The following ATP8A1 variants were observed in gnomAD, a reference collection of about 807,000 sequenced individuals.
The protein encoded by ATP8A1 is ATPase phospholipid transporting 8A1, also known as phospholipid-transporting ATPase IA.
In ATP8A1, 90 loss-of-function variants were observed where a neutral mutation model predicts 177.7. The observed-to-expected ratio is 0.51, with a 90% CI of 0.43 to 0.60. ATP8A1 has a LOEUF of 0.60. ATP8A1 is among the 20% of genes least tolerant of loss of function. The pLI is 0.00. For synonymous variants in ATP8A1, 493 were observed against 485.9 expected, an observed-to-expected ratio of 1.01 and a Z score of -0.19; for missense variants, 1,072 against 1,392.8, an observed-to-expected ratio of 0.77 and a Z score of 3.67.
intron 1 of ATP8A1, among the ~76,000 whole-genome samples, chr4:42,634,012 G>C (rs933950128): frequency 6.6e-6 from 1 of 152,174 alleles, no homozygotes; most frequent in African/African-American, 2.4e-5. Flanking sequence ...AAGAAGCAGG[G>C]CCAGATTGGG....
chr4:42,487,381 GCCAATTT>G (rs1241925851), intron 24 of ATP8A1, among the ~76,000 whole-genome samples: 1 of 152,070 alleles, frequency 6.6e-6, no homozygotes, highest in African/African-American at 2.4e-5. Context: ...ACCTAATGGA[GCCAATTT>G]CCTATTTCAC....
chr4:42,635,015 G>A (rs893135043), intron 1 of ATP8A1, among the ~76,000 whole-genome samples: 1 of 152,054 alleles, frequency 6.6e-6, no homozygotes, highest in Non-Finnish European at 1.5e-5. Flanking sequence ...TACTTGATAC[G>A]GGAAAACTAA....
At chr4:42,643,466 G>A (rs1577769707) in intron 1 of ATP8A1, among the ~76,000 whole-genome samples, 1 of 152,062 alleles carries the variant, frequency 6.6e-6, no homozygotes, top group Non-Finnish European at 1.5e-5. Flanking sequence ...TGGGCTCAGG[G>A]CCCAAAACTT....
rs1714152424 is a variant in ATP8A1, at chr4:42,422,901, T to C, written c.3213-2A>G. ...GTTTTAAAAGCAGTCCTCTTGATAC[T>C]GCAAAAAGAAAAAAAAAGGGATTTG... is the stretch of plus-strand genomic sequence containing the variant. On this transcript the variant is annotated splice_acceptor_variant, in intron 34 of 36. Transcript: ENST00000381668. LOFTEE classifies it high-confidence loss of function. 6.3e-7 allele frequency: 1 copy of C among 1,597,638 alleles called. No individual in the cohort carries two copies. The highest frequency in any genetic ancestry group is 8.5e-7 in the Non-Finnish European group (1 of 1,175,008).
At chr4:42,450,033 G>T (rs1398131802) in intron 30 of ATP8A1, among the ~76,000 whole-genome samples, 1 of 152,126 alleles carries the variant, frequency 6.6e-6, no homozygotes, top group Non-Finnish European at 1.5e-5. Flanking sequence ...TTTACTTGGA[G>T]AGCTTGTCTG....
chr4:42,465,719 C>A (rs1361673102), intron 25 of ATP8A1, among the ~76,000 whole-genome samples: 1 of 152,178 alleles, frequency 6.6e-6, no homozygotes, highest in Non-Finnish European at 1.5e-5. Context: ...CACAGACTTT[C>A]TAAAGCCATT....
At chr4:42,492,234 G>C (rs990839091) in intron 24 of ATP8A1, among the ~76,000 whole-genome samples, 2 of 152,116 alleles carry the variant, frequency 1.3e-5, no homozygotes, top group Non-Finnish European at 2.9e-5. Context: ...TTAGGAATCT[G>C]TTAAATGTGT....
Position 42,600,785 on chromosome 4 carries a change from A to G in ATP8A1, c.410-267T>C, listed in dbSNP as rs375797572. 1.1e-4 allele frequency among the ~76,000 whole-genome samples: 17 copies of G among 152,262 alleles called. No homozygotes were observed. The South Asian group carries it at 1.9e-3, about 17-fold the overall frequency. On this transcript the variant is annotated intron_variant, in intron 5 of 36. Transcript: ENST00000381668. ...GCTTTCTTTAGCACATAGAGGAACT[A>G]TGGGGCTCAGCTGGAGGAGAAAGCC...
intron 6 of ATP8A1, among the ~76,000 whole-genome samples, chr4:42,591,560 G>A (rs1270172442): frequency 2.6e-5 from 4 of 152,100 alleles, no homozygotes; most frequent in Admixed American, 2.0e-4. Context: ...AGAATGCATT[G>A]TTTTGGAAGG....
At chr4:42,435,438 A>C (rs77136141) in intron 33 of ATP8A1, among the ~76,000 whole-genome samples, 35,401 of 96,706 alleles carry the variant, frequency 0.37, 3,635 homozygotes, top group East Asian at 0.55. Flanking sequence ...AAAAAAAAAA[A>C]AAAAAAAAAA....
chr4:42,430,404 C>T (rs143814120), intron 33 of ATP8A1, among the ~76,000 whole-genome samples: 80 of 152,140 alleles, frequency 5.3e-4, no homozygotes, highest in African/African-American at 1.7e-3. Flanking sequence ...GGAGAAAAAT[C>T]GAGAGTCTTT....
At chr4:42,549,104 G>T in intron 18 of ATP8A1, 42 bp from the exon 19 acceptor site, 2 of 1,483,442 alleles carry the variant, frequency 1.3e-6, no homozygotes, top group Non-Finnish European at 1.9e-6. Flanking sequence ...AGTTGGAAAA[G>T]TCTTAAGCTT....
intron 2 of ATP8A1, 40 bp from the exon 3 acceptor site, chr4:42,625,753 T>A: frequency 2.4e-6 from 3 of 1,237,318 alleles, no homozygotes; most frequent in Non-Finnish European, 3.5e-6. Flanking sequence ...AACTTCTCCA[T>A]AATTAGCACC....
intron 33 of ATP8A1, among the ~76,000 whole-genome samples, chr4:42,438,412 G>A (rs1444467225): frequency 1.3e-5 from 2 of 152,072 alleles, no homozygotes; most frequent in African/African-American, 2.4e-5. Context: ...GGATGACTGG[G>A]TTTTCTATTT....
At chr4:42,601,033 CTTTTTTTTT>C (rs36117571) in intron 5 of ATP8A1, among the ~76,000 whole-genome samples, 3 of 102,430 alleles carry the variant, frequency 2.9e-5, no homozygotes, top group Non-Finnish European at 1.9e-5. Context: ...CCCAAATTTT[CTTTTTTTTT>C]TTTTTTTTTT....
intron 9 of ATP8A1, among the ~76,000 whole-genome samples, chr4:42,582,484 A>G (rs1035118191): frequency 1.3e-5 from 2 of 150,112 alleles, no homozygotes; most frequent in Non-Finnish European, 3.0e-5. Context: ...CACACACACC[A>G]CACACACCCA....
rs199599944 is a variant in ATP8A1, at chr4:42,443,579, C to A, written c.3109G>T (p.Asp1037Tyr). Residue 1037 changes from aspartate (D) to tyrosine (Y), a missense_variant, in exon 33 of 37, where the codon GAT (aspartate) becomes TAT (tyrosine). Coordinates refer to ENST00000381668, the MANE Select transcript of ATP8A1 (RefSeq NM_006095.2). ...GCGCACATTACCTCTCCTGACATATCAGGGGCCATCGGAATGGCAGGCCAC... is the reference window on the plus strand; with the variant it reads ...GCGCACATTACCTCTCCTGACATATAAGGGGCCATCGGAATGGCAGGCCAC... ...SLWPAIPMAP[D>Y]MSGEAAMLFS... 7.3e-7 allele frequency: 1 copy of A among 1,369,600 alleles called. No homozygotes were observed. Among genetic ancestry groups the A allele is most frequent in the East Asian group, 2.3e-5 (1 of 43,730 alleles). 84.8% of individuals were successfully genotyped at this position (1,369,600 alleles called of 1,614,324 possible). A position where few individuals can be genotyped will look rare whatever the true frequency, so the allele number is the denominator to read the frequency against.
chr4:42,586,667 G>C (rs1028210552), intron 8 of ATP8A1, among the ~76,000 whole-genome samples, 191 bp from the exon 9 acceptor site: 1 of 152,098 alleles, frequency 6.6e-6, no homozygotes. Flanking sequence ...GGTTTTTAGC[G>C]CAAGAATAGG....
chr4:42,413,075 C>T, intron 36 of ATP8A1, 62 bp from the exon 37 acceptor site: 28 of 1,379,594 alleles, frequency 2.0e-5, no homozygotes, highest in Non-Finnish European at 2.8e-5. Flanking sequence ...GTTATTCTGA[C>T]TTTTGGGTAT....
Sources: gnomAD v4.1 joint callset for allele counts (sites outside exome capture counted in the v4.1 genomes callset) on GRCh38, gnomAD v4.1.1 for gene constraint, MANE v1.5 for transcripts, NCBI Gene and HGNC (gene_info 2026-07-23, HGNC 2026-07-21) for gene names.